KLC1: variants seen among roughly 807,000 people sequenced by gnomAD.
KLC1 encodes the protein kinesin light chain 1.
A neutral mutation model predicts 84.2 loss-of-function variants in KLC1; 30 were observed. The ratio of observed to expected loss-of-function variants is 0.36; its 90% CI spans 0.27 to 0.48. KLC1 has a LOEUF of 0.48. Among genes scored for constraint, KLC1 ranks in the 20% least tolerant of loss-of-function variants. KLC1 has a pLI of 0.99. For synonymous variants in KLC1, 289 were observed against 293.3 expected (o/e 0.99, Z 0.15); for missense variants, 499 against 805.4 (o/e 0.62, Z 4.60).
chr14:103,687,343 A>G, intron 14 of KLC1, 132 bp downstream of exon 14: 1 of 942,014 alleles, frequency 1.1e-6, no homozygotes, highest in Non-Finnish European at 1.5e-6. Flanking sequence ...CTCACAACCG[A>G]AGGGTTTCAT....
intron 13 of KLC1, among the ~76,000 whole-genome samples, chr14:103,681,217 G>T (rs530730921): frequency 4.8e-4 from 73 of 152,290 alleles, no homozygotes; most frequent in African/African-American, 1.5e-3. Context: ...TTGGCCACGG[G>T]TGATCTACCA....
At chr14:103,678,321 CA>C (rs1298299279) in intron 12 of KLC1, among the ~76,000 whole-genome samples, 2 of 152,064 alleles carry the variant, frequency 1.3e-5, no homozygotes, top group East Asian at 3.9e-4. Context: ...GCATGAACAG[CA>C]AAATAAAAAC....
intron 1 of KLC1, among the ~76,000 whole-genome samples, chr14:103,647,213 A>G (rs978880168): frequency 1.3e-5 from 2 of 151,798 alleles, no homozygotes; most frequent in Admixed American, 1.3e-4. Context: ...TTCTTTATCC[A>G]GAAACTTTTT....
In KLC1 at chr14:103,694,049, G is replaced by C. The variant is rs2082275773; in HGVS notation, c.1848+1624G>C. On this transcript the variant is annotated intron_variant, in intron 15 of 16. Coordinates refer to ENST00000334553, the MANE Select transcript of KLC1 (RefSeq NM_001394837.1). This position sits in a 1 kb window ranked among gnomAD's most constrained non-coding sequence, Gnocchi z 4.5. ...TAAAGTACCCCTTTCAGAACGATAG[G>C]CATTTAGTGATCTATGGCAGTAAAG... is the stretch of plus-strand genomic sequence containing the variant. 1 of 996,020 alleles carries C rather than the reference G, an allele frequency of 1.0e-6. No homozygotes were observed. Among genetic ancestry groups the C allele is most frequent in the Admixed American group, 5.8e-5 (1 of 17,250 alleles). The allele number at this position is 996,020 out of a possible 1,614,324, so 61.7% of individuals were successfully genotyped here.
intron 13 of KLC1, chr14:103,682,963 C>T (rs1351670290): frequency 6.6e-6 from 1 of 151,908 alleles, no homozygotes; most frequent in African/African-American, 2.4e-5. Flanking sequence ...ATTGTGCCTC[C>T]CTGTTGGGAA....
At chr14:103,699,065 G>A (rs778161228) in intron 15 of KLC1, 16 of 1,561,464 alleles carry the variant, frequency 1.0e-5, no homozygotes, top group South Asian at 3.5e-5. Context: ...TGGTGGCCCC[G>A]CCCACTTCGG....
At chr14:103,684,895 CT>C (rs1344329786) in intron 13 of KLC1, 2 of 718,262 alleles carry the variant, frequency 2.8e-6, no homozygotes, top group Non-Finnish European at 5.2e-6. Flanking sequence ...TTTTAGCATC[CT>C]TTTTCTCAAG....
intron 5 of KLC1, 83 bp from the exon 6 acceptor site, chr14:103,669,428 T>C: frequency 1.6e-6 from 1 of 618,626 alleles, no homozygotes. Flanking sequence ...AGTCAGACTC[T>C]GTCTAAAAAA....
intron 1 of KLC1, among the ~76,000 whole-genome samples, chr14:103,630,190 C>CT (rs2076569526): frequency 6.6e-6 from 1 of 152,226 alleles, no homozygotes; most frequent in Non-Finnish European, 1.5e-5. Flanking sequence ...AGCCTCCGTC[C>CT]TGGAATGCTT....
intron 15 of KLC1, chr14:103,696,035 A>G (rs1245890396): frequency 2.0e-6 from 2 of 982,856 alleles, no homozygotes; most frequent in Non-Finnish European, 2.4e-6. Context: ...GGTGAGAGGA[A>G]CCCCACGCGA....
intron 15 of KLC1, chr14:103,696,902 G>A: frequency 1.0e-6 from 1 of 985,400 alleles, no homozygotes; most frequent in South Asian, 4.7e-5. Context: ...TGACTGCCAG[G>A]CCAGCCCGTC....
At chr14:103,652,636 C>T (rs1020077111) in intron 1 of KLC1, among the ~76,000 whole-genome samples, 4 of 152,112 alleles carry the variant, frequency 2.6e-5, no homozygotes, top group South Asian at 2.1e-4. Flanking sequence ...GGAGTACAGG[C>T]GAGCGCCATC....
chr14:103,692,265 C>G, intron 14 of KLC1, 94 bp from the exon 15 acceptor site: 1 of 1,168,804 alleles, frequency 8.6e-7, no homozygotes, highest in Non-Finnish European at 1.2e-6. Context: ...CCCAGTGTCA[C>G]AGAGGCGTTG....
rs371468281 is a variant in KLC1, at chr14:103,677,072, A to C, written c.1380-343A>C. Among the ~76,000 whole-genome samples, 122 of 152,312 alleles carry C rather than the reference A, an allele frequency of 8.0e-4. 1 individual carries two copies. Among genetic ancestry groups the C allele is most frequent in the African/African-American group, 2.6e-3 (109 of 41,570 alleles). ...TCGTCGTTACTGTCAGCGCAGACCA[A>C]GTCGTCTCCAGGGAAAGCATGCTGA... is the stretch of plus-strand genomic sequence containing the variant. On this transcript the variant is annotated intron_variant, in intron 11 of 16. Transcript: ENST00000334553.
chr14:103,678,242 A>G (rs1453813866), intron 12 of KLC1, among the ~76,000 whole-genome samples: 1 of 152,176 alleles, frequency 6.6e-6, no homozygotes, highest in Non-Finnish European at 1.5e-5. Context: ...CAGCCTGGGC[A>G]ACAGAGCGAG....
intron 14 of KLC1, among the ~76,000 whole-genome samples, chr14:103,689,696 G>A (rs2081979786): frequency 6.6e-6 from 1 of 152,150 alleles, no homozygotes; most frequent in African/African-American, 2.4e-5. Context: ...TTTGAGAATC[G>A]CTCAAGGACC....
At chr14:103,637,105 C>G (rs2077104163) in intron 1 of KLC1, among the ~76,000 whole-genome samples, 1 of 151,448 alleles carries the variant, frequency 6.6e-6, no homozygotes, top group Admixed American at 6.6e-5. Flanking sequence ...ATTTTTTATA[C>G]AAGCCGTTTG....
At chr14:103,659,051 C>T (rs2079065932) in intron 3 of KLC1, among the ~76,000 whole-genome samples, 1 of 151,898 alleles carries the variant, frequency 6.6e-6, no homozygotes, top group African/African-American at 2.4e-5. Context: ...GATCTTGGCT[C>T]ACTGCAGCCT....
chr14:103,694,156 C>T lies in KLC1; in HGVS notation c.1848+1731C>T. The T allele has an allele frequency of 1.0e-6, 1 of 985,814 alleles. No individual in the cohort carries two copies. Among genetic ancestry groups the T allele is most frequent in the Non-Finnish European group, 1.2e-6 (1 of 830,128 alleles). The allele number at this position is 985,814 out of a possible 1,614,324, so 61.1% of individuals were successfully genotyped here. On this transcript the variant is annotated intron_variant, in intron 15 of 16. Transcript: ENST00000334553. The surrounding 1 kb of genome is among the most constrained non-coding windows in gnomAD (Gnocchi z 4.5). ...TCTTCCGGGTCTCTCTTTCCAAGGT[C>T]CCCATGCCTGTGGCCCTGGGGCCCC...
Sources: allele counts gnomAD v4.1 joint callset (sites outside exome capture counted in the v4.1 genomes callset), GRCh38; gene constraint gnomAD v4.1.1; non-coding constraint Gnocchi (gnomAD v3.1); transcripts MANE v1.5; gene names NCBI Gene and HGNC (gene_info 2026-07-23, HGNC 2026-07-21).